GRM8: variants seen among roughly 807,000 people sequenced by gnomAD.
GRM8 encodes the protein glutamate metabotropic receptor 8.
A neutral mutation model predicts 87.2 loss-of-function variants in GRM8; 47 were observed. That is an observed-to-expected ratio of 0.54 (90% CI 0.43 to 0.69). The LOEUF (loss-of-function observed/expected upper bound fraction) is 0.69. Ranked by LOEUF, GRM8 falls within the 30% of genes least tolerant of loss-of-function variation. GRM8 has a pLI of 0.00. For missense variants in GRM8, 1,019 were observed against 1,139.2 expected (o/e 0.89, Z 1.52); for synonymous variants, 396 against 404.5 (o/e 0.98, Z 0.25).
At chr7:126,902,786 C>G in intron 5 of GRM8, 107 bp from the exon 6 acceptor site, 1 of 715,564 alleles carries the variant, frequency 1.4e-6, no homozygotes, top group Non-Finnish European at 2.2e-6. Flanking sequence ...AAGAAAAAAA[C>G]AAAACACATA....
chr7:127,116,240 T>C (rs1826692350), intron 2 of GRM8, among the ~76,000 whole-genome samples: 1 of 152,248 alleles, frequency 6.6e-6, no homozygotes, highest in South Asian at 2.1e-4. Context: ...AATTTCCATA[T>C]ATTTCAGTAC....
intron 8 of GRM8, among the ~76,000 whole-genome samples, chr7:126,583,355 T>TCACA (rs3038822): frequency 6.6e-5 from 10 of 151,192 alleles, no homozygotes; most frequent in East Asian, 1.9e-4. Context: ...AAACTCTGTC[T>TCACA]CACACACACA....
intron 10 of GRM8, among the ~76,000 whole-genome samples, chr7:126,444,235 A>G (rs1801760369): frequency 6.6e-6 from 1 of 152,054 alleles, no homozygotes; most frequent in Non-Finnish European, 1.5e-5. Context: ...GTAGGAAAAA[A>G]GGTAAAATTC....
intron 9 of GRM8, among the ~76,000 whole-genome samples, chr7:126,466,389 AG>A (rs1804505923): frequency 6.6e-6 from 1 of 151,980 alleles, no homozygotes; most frequent in South Asian, 2.1e-4. Flanking sequence ...AGTTGAAAAA[AG>A]AAAGATTATT....
At chr7:126,507,567 T>A (rs1437191981) in intron 9 of GRM8, among the ~76,000 whole-genome samples, 1 of 152,086 alleles carries the variant, frequency 6.6e-6, no homozygotes, top group Non-Finnish European at 1.5e-5. Context: ...ATTGCCAAAT[T>A]GCAAAAAGTA....
intron 2 of GRM8, among the ~76,000 whole-genome samples, chr7:127,128,028 C>T (rs908352198): frequency 6.6e-6 from 1 of 152,074 alleles, no homozygotes; most frequent in Non-Finnish European, 1.5e-5. Flanking sequence ...TTAGCTCTTA[C>T]TCACATCTCT....
intron 2 of GRM8, among the ~76,000 whole-genome samples, chr7:127,195,477 C>T (rs1051173785): frequency 1.3e-5 from 2 of 152,176 alleles, no homozygotes; most frequent in Admixed American, 1.3e-4. Context: ...GCATACCTTA[C>T]AGAATTCTAC....
chr7:127,165,877 G>A (rs1391465093), intron 2 of GRM8, among the ~76,000 whole-genome samples: 1 of 152,166 alleles, frequency 6.6e-6, no homozygotes, highest in Non-Finnish European at 1.5e-5. Context: ...TTGGGGAGGT[G>A]TGTTTTTGGT....
chr7:126,456,794 A>C (rs1220441097), intron 9 of GRM8, among the ~76,000 whole-genome samples: 1 of 151,546 alleles, frequency 6.6e-6, no homozygotes, highest in Non-Finnish European at 1.5e-5. Context: ...TAGAAAATTG[A>C]AGCTTCTCTA....
chr7:127,237,758 T>C (rs988811461), intron 2 of GRM8, among the ~76,000 whole-genome samples: 2 of 152,174 alleles, frequency 1.3e-5, no homozygotes, highest in African/African-American at 4.8e-5. Flanking sequence ...TAAAGTTAAC[T>C]AGAAAAACAA....
intron 9 of GRM8, among the ~76,000 whole-genome samples, chr7:126,493,558 T>C (rs929050849): frequency 3.9e-5 from 6 of 151,982 alleles, no homozygotes; most frequent in Non-Finnish European, 8.8e-5. Flanking sequence ...GCAACCACTA[T>C]GTGAGAAGAA....
intron 8 of GRM8, among the ~76,000 whole-genome samples, chr7:126,564,019 T>C (rs1451924494): frequency 6.6e-6 from 1 of 152,108 alleles, no homozygotes; most frequent in Non-Finnish European, 1.5e-5. Context: ...ATGGTTATGG[T>C]TATATTTAGG....
At chr7:127,058,088 G>A (rs375234833) in intron 3 of GRM8, 11 of 485,746 alleles carry the variant, frequency 2.3e-5, no homozygotes, top group African/African-American at 2.0e-4. Context: ...TTTAACTGGC[G>A]TTGTGACGTC....
intron 3 of GRM8, among the ~76,000 whole-genome samples, chr7:127,053,946 T>C (rs11563767): frequency 0.08 from 12,154 of 152,248 alleles, 529 homozygotes; most frequent in South Asian, 0.13. Flanking sequence ...TGACATTAAA[T>C]GACAATTTCT....
chr7:126,823,492 C>A (rs1339410198), intron 6 of GRM8, among the ~76,000 whole-genome samples: 1 of 152,128 alleles, frequency 6.6e-6, no homozygotes, highest in Non-Finnish European at 1.5e-5. Context: ...GGTCCCTGGC[C>A]ATTATCTAGA....
At chr7:127,122,078 T>C (rs1827120014) in intron 2 of GRM8, among the ~76,000 whole-genome samples, 1 of 152,186 alleles carries the variant, frequency 6.6e-6, no homozygotes, top group Non-Finnish European at 1.5e-5. Flanking sequence ...TACTTTACCT[T>C]AGAGAGTAGG....
In GRM8 at chr7:126,970,067, A is replaced by G. The variant is rs191107338; in HGVS notation, c.728-65384T>C. 5.9e-5 allele frequency among the ~76,000 whole-genome samples: 9 copies of G among 152,244 alleles called. No individual in the cohort carries two copies. In the East Asian group the frequency reaches 1.7e-3, roughly 29 times the overall value. ...ATTCATTAAACCATGCTATAAAGAC[A>G]TGTACTGTAATCCAAGTTTTATTCT... On this transcript the variant is annotated intron_variant, in intron 3 of 10. Coordinates refer to ENST00000339582, the MANE Select transcript of GRM8 (RefSeq NM_000845.3).
chr7:126,455,805 T>C (rs1803162337), intron 9 of GRM8, among the ~76,000 whole-genome samples: 2 of 151,580 alleles, frequency 1.3e-5, no homozygotes, highest in Non-Finnish European at 3.0e-5. Flanking sequence ...AGACAGGCTA[T>C]TGACAATACA....
At chr7:126,779,215 T>G (rs943928862) in intron 6 of GRM8, among the ~76,000 whole-genome samples, 2 of 152,086 alleles carry the variant, frequency 1.3e-5, no homozygotes, top group South Asian at 4.1e-4. Context: ...ATAAGGATCA[T>G]AAGTTTTTCA....
Sources: allele counts gnomAD v4.1 joint callset (sites outside exome capture counted in the v4.1 genomes callset), GRCh38; gene constraint gnomAD v4.1.1; transcripts MANE v1.5; gene names NCBI Gene and HGNC (gene_info 2026-07-23, HGNC 2026-07-21).